Variants in OPCML observed in about 807,000 individuals in gnomAD.
The protein encoded by OPCML is opioid-binding protein/cell adhesion molecule.
A neutral mutation model predicts 37.8 loss-of-function variants in OPCML; 13 were observed. That is an observed-to-expected ratio of 0.34 (90% CI 0.22 to 0.55). The LOEUF is 0.55. OPCML is among the 20% of genes least tolerant of loss of function. The pLI, the probability that OPCML is intolerant of heterozygous loss-of-function variation, is 0.91. For synonymous variants in OPCML, 176 were observed against 168.8 expected (o/e 1.04, Z -0.33); for missense variants, 341 against 435.6 (o/e 0.78, Z 1.93).
In OPCML at chr11:133,469,743, C is replaced by T. The variant is rs556804045; in HGVS notation, c.61+62521G>A. On this transcript the variant is annotated intron_variant, in intron 1 of 7. Coordinates refer to ENST00000524381, the MANE Select transcript of OPCML (RefSeq NM_001012393.5). ...CCCTCATCTCCAACACAGAAGTTCTCCTCAAGTGCTCCTCCGACTATTTTA... is the reference window on the plus strand; with the variant it reads ...CCCTCATCTCCAACACAGAAGTTCTTCTCAAGTGCTCCTCCGACTATTTTA... 3.9e-5 allele frequency among the ~76,000 whole-genome samples: 6 copies of T among 152,282 alleles called. No individual in the cohort carries two copies. The South Asian group carries it at 1.0e-3, about 26-fold the overall frequency.
At chr11:132,707,011 T>C (rs1944061026) in intron 2 of OPCML, among the ~76,000 whole-genome samples, 1 of 152,192 alleles carries the variant, frequency 6.6e-6, no homozygotes, top group South Asian at 2.1e-4. Flanking sequence ...CTTCTGGGGA[T>C]GGAAGAAAGT....
chr11:133,387,963 T>G (rs1354999851), intron 1 of OPCML, among the ~76,000 whole-genome samples: 1 of 152,096 alleles, frequency 6.6e-6, no homozygotes, highest in Admixed American at 6.5e-5. Context: ...CAAAGACACT[T>G]AGGCAGGAAC....
At chr11:133,495,385 G>A (rs1947763425) in intron 1 of OPCML, among the ~76,000 whole-genome samples, 1 of 152,124 alleles carries the variant, frequency 6.6e-6, no homozygotes, top group South Asian at 2.1e-4. Flanking sequence ...TATATTATTC[G>A]AATAATGACT....
At chr11:133,525,831 A>G (rs1280384594) in intron 1 of OPCML, among the ~76,000 whole-genome samples, 1 of 152,150 alleles carries the variant, frequency 6.6e-6, no homozygotes, top group East Asian at 1.9e-4. Context: ...ATCGTTTCCC[A>G]TGCTAAGTGC....
rs35080742 is a variant in OPCML at position 132,820,061 on chromosome 11, C to CTGAATGAA, written c.146+122857_146+122864dup. Among the ~76,000 whole-genome samples the CTGAATGAA allele has an allele frequency of 4.6e-3, 344 of 74,008 alleles. 1 individual carries two copies. Among genetic ancestry groups the CTGAATGAA allele is most frequent in the African/African-American group, 7.5e-3 (157 of 21,048 alleles). The allele number at this position is 74,008 out of a possible 152,430, so 48.6% of individuals were successfully genotyped here. Reference sequence around the variant, plus strand: ...ACATATAGCCTTAACACAGCAAAAACTGAATGAATGAATGAATGAATGAAT... The same window carrying CTGAATGAA: ...ACATATAGCCTTAACACAGCAAAAACTGAATGAATGAATGAATGAATGAATGAATGAAT... On this transcript the variant is annotated intron_variant, in intron 2 of 7. Transcript: ENST00000524381.
intron 1 of OPCML, among the ~76,000 whole-genome samples, chr11:133,209,136 C>T (rs571519170): frequency 5.3e-5 from 8 of 152,288 alleles, no homozygotes; most frequent in African/African-American, 1.9e-4. Context: ...TTAATTACAG[C>T]TGTGATTAAA....
At chr11:133,036,116 T>A (rs913606510) in intron 1 of OPCML, among the ~76,000 whole-genome samples, 1 of 152,212 alleles carries the variant, frequency 6.6e-6, no homozygotes, top group African/African-American at 2.4e-5. Context: ...AACTTTAAAG[T>A]CTACTTAAAA....
chr11:133,021,222 G>A (rs2136901666), intron 1 of OPCML, among the ~76,000 whole-genome samples: 1 of 152,284 alleles, frequency 6.6e-6, no homozygotes, highest in African/African-American at 2.4e-5. Context: ...AATGCAGTGT[G>A]GAGGTCATTG....
chr11:132,664,767 G>A lies in OPCML; in HGVS notation c.147-7448C>T, dbSNP rs185397704. On this transcript the variant is annotated intron_variant, in intron 2 of 7. Coordinates refer to ENST00000524381, the MANE Select transcript of OPCML (RefSeq NM_001012393.5). Reference sequence around the variant, plus strand: ...GAGCCAACTTCAGAGCATCAACAGGGACCCTAAATTATGTAAGGGAAAACT... The same window carrying A: ...GAGCCAACTTCAGAGCATCAACAGGAACCCTAAATTATGTAAGGGAAAACT... Among the ~76,000 whole-genome samples, 22 of 152,290 alleles carry A rather than the reference G, an allele frequency of 1.4e-4. No homozygotes were observed. The East Asian group carries it at 3.7e-3, about 25-fold the overall frequency.
intron 2 of OPCML, among the ~76,000 whole-genome samples, chr11:132,763,094 G>T (rs537163806): frequency 6.6e-6 from 1 of 152,044 alleles, no homozygotes; most frequent in African/African-American, 2.4e-5. Flanking sequence ...TGTGCTTCCC[G>T]GGTGAGGCGA....
chr11:132,513,777 A>T (rs181097838), intron 4 of OPCML, among the ~76,000 whole-genome samples: 1 of 152,322 alleles, frequency 6.6e-6, no homozygotes, highest in Admixed American at 6.5e-5. Context: ...GAGTTAAATG[A>T]TCCTCTCCTG....
chr11:132,582,966 C>T (rs548067249), intron 3 of OPCML, among the ~76,000 whole-genome samples: 1 of 151,550 alleles, frequency 6.6e-6, no homozygotes, highest in South Asian at 2.1e-4. Flanking sequence ...CTACTTCAGC[C>T]TCCAGAGTAG....
At position 133,010,217 on chromosome 11, in the gene OPCML, G is replaced by A. The variant is rs146907445; in HGVS notation, c.62-67207C>T. Among the ~76,000 whole-genome samples the A allele has an allele frequency of 3.7e-3, 560 of 152,268 alleles. 4 individuals carry two copies. Among genetic ancestry groups the A allele is most frequent in the African/African-American group, 0.012 (496 of 41,518 alleles). On this transcript the variant is annotated intron_variant, in intron 1 of 7. Transcript: ENST00000524381. ...TGCTCACATCTCTGTCACAGCTCCC[G>A]TCCTTCTTTCTGCTCTTGCTGTGGC...
chr11:133,328,577 A>G (rs551637259), intron 1 of OPCML, among the ~76,000 whole-genome samples: 1 of 152,330 alleles, frequency 6.6e-6, no homozygotes, highest in Non-Finnish European at 1.5e-5. Context: ...AGCAGTTACC[A>G]AGTGCTGGGC....
intron 2 of OPCML, among the ~76,000 whole-genome samples, chr11:132,932,001 A>G (rs529854631): frequency 1.3e-5 from 2 of 152,334 alleles, no homozygotes; most frequent in South Asian, 4.1e-4. Flanking sequence ...ATGTATAGAT[A>G]ACTTAAGTAA....
intron 1 of OPCML, among the ~76,000 whole-genome samples, chr11:133,078,401 TGTGCAGG>T (rs1948655900): frequency 6.6e-6 from 1 of 152,158 alleles, no homozygotes; most frequent in South Asian, 2.1e-4. Flanking sequence ...ACACTGCATG[TGTGCAGG>T]GACTACAGCA....
chr11:132,811,779 G>A (rs577519317), intron 2 of OPCML, among the ~76,000 whole-genome samples: 35 of 152,234 alleles, frequency 2.3e-4, no homozygotes, highest in Admixed American at 4.6e-4. Context: ...GGGTTCAAAC[G>A]CAGAAACAGC....
chr11:133,443,447 A>T (rs1358297892), intron 1 of OPCML, among the ~76,000 whole-genome samples: 1 of 152,212 alleles, frequency 6.6e-6, no homozygotes, highest in East Asian at 1.9e-4. Context: ...CCACCAACAG[A>T]TGCAGAGATG....
intron 1 of OPCML, among the ~76,000 whole-genome samples, chr11:133,028,760 G>T (rs1947611950): frequency 6.6e-6 from 1 of 151,900 alleles, no homozygotes; most frequent in Admixed American, 6.6e-5. Context: ...AAAAATCCTA[G>T]AAGAAACCTA....
Sources: allele counts gnomAD v4.1 joint callset (sites outside exome capture counted in the v4.1 genomes callset), GRCh38; gene constraint gnomAD v4.1.1; transcripts MANE v1.5; gene names NCBI Gene and HGNC (gene_info 2026-07-23, HGNC 2026-07-21).